ARID3B: variants seen among roughly 807,000 people sequenced by gnomAD.
The protein encoded by ARID3B is AT-rich interactive domain-containing protein 3B.
Under a neutral mutation model 51.9 loss-of-function variants are expected in ARID3B, and 10 were observed. That is an observed-to-expected ratio of 0.19 (90% CI 0.12 to 0.33). ARID3B has a LOEUF of 0.33. ARID3B is among the 10% of genes least tolerant of loss of function. The probability of loss-of-function intolerance (pLI) is 1.00; values close to 1 mark genes in which losing one functional copy is unlikely to be tolerated. For missense variants in ARID3B, 483 were observed against 716.3 expected (o/e 0.67, Z 3.72); for synonymous variants, 205 against 279.5 (o/e 0.73, Z 2.66).
chr15:74,542,347 T>G (rs913934532), intron 1 of ARID3B, among the ~76,000 whole-genome samples: 8 of 152,200 alleles, frequency 5.3e-5, no homozygotes, highest in African/African-American at 1.9e-4. Flanking sequence ...AAAGTATTGC[T>G]GCAAGCGTAA....
At chr15:74,595,572 C>G in intron 8 of ARID3B, 39 bp from the exon 9 acceptor site, 1 of 1,597,832 alleles carries the variant, frequency 6.3e-7, no homozygotes, top group Non-Finnish European at 8.5e-7. Flanking sequence ...CCCCTTCGCT[C>G]TTCCTCTGCC....
At chr15:74,589,744 G>T in intron 4 of ARID3B, 76 bp from the exon 5 acceptor site, 1 of 1,436,610 alleles carries the variant, frequency 7.0e-7, no homozygotes, top group Non-Finnish European at 9.5e-7. Context: ...CTCGGCTAAA[G>T]GTGGGCATAC....
chr15:74,593,386 C>T (rs2061811238), intron 8 of ARID3B, 150 bp downstream of exon 8: 1 of 671,434 alleles, frequency 1.5e-6, no homozygotes, highest in African/African-American at 1.8e-5. Context: ...GTCAAGTGGT[C>T]CTCTGGACTA....
Position 74,568,681 on chromosome 15 carries a change from T to C in ARID3B, c.553-4181T>C, listed in dbSNP as rs528657107. ...TAGGTATAGTAGCCAAAGCTAGTCT[T>C]GGGTGTGTATTTGGGAGCAAACTAT... On this transcript the variant is annotated intron_variant, in intron 2 of 8. Coordinates refer to ENST00000346246, the MANE Select transcript of ARID3B (RefSeq NM_006465.4). Among the ~76,000 whole-genome samples the C allele has an allele frequency of 2.7e-3, 412 of 152,226 alleles. 1 individual carries two copies. Among genetic ancestry groups the C allele is most frequent in the Non-Finnish European group, 4.6e-3 (314 of 68,004 alleles).
intron 8 of ARID3B, among the ~76,000 whole-genome samples, chr15:74,595,070 C>T (rs2061819181): frequency 6.6e-6 from 1 of 152,140 alleles, no homozygotes; most frequent in South Asian, 2.1e-4. Context: ...GTCACCCACC[C>T]CACCTGGCTC....
At position 74,591,015 on chromosome 15, in the gene ARID3B, C is replaced by G. The variant is rs1439941959; in HGVS notation, c.882-136C>G. ...GTCCGGCCATCCCAGACTTTTCTGC[C>G]AAGTATACCAAGGTTGCAATCCTTT... On this transcript the variant is annotated intron_variant, in intron 5 of 8. Coordinates refer to ENST00000346246, the MANE Select transcript of ARID3B (RefSeq NM_006465.4). The surrounding 1 kb of genome is among the most constrained non-coding windows in gnomAD (Gnocchi z 5.8). 9 of 1,368,356 alleles carry G rather than the reference C, an allele frequency of 6.6e-6. No homozygotes were observed. The highest frequency in any genetic ancestry group is 8.9e-6 in the Non-Finnish European group (9 of 1,013,784). 84.8% of individuals were successfully genotyped at this position (1,368,356 alleles called of 1,614,324 possible). A position where few individuals can be genotyped will look rare whatever the true frequency, so the allele number is the denominator to read the frequency against.
At chr15:74,569,904 T>C (rs933111724) in intron 2 of ARID3B, among the ~76,000 whole-genome samples, 1 of 152,206 alleles carries the variant, frequency 6.6e-6, no homozygotes, top group Non-Finnish European at 1.5e-5. Flanking sequence ...CCCAGCTGAA[T>C]TGACCATCCT....
At chr15:74,595,146 A>G (rs957006569) in intron 8 of ARID3B, among the ~76,000 whole-genome samples, 2 of 152,126 alleles carry the variant, frequency 1.3e-5, no homozygotes, top group Non-Finnish European at 2.9e-5. Context: ...CCTGGGCTCA[A>G]GTGATCCTCC....
chr15:74,555,621 C>A (rs1386325205), intron 2 of ARID3B, among the ~76,000 whole-genome samples: 1 of 151,968 alleles, frequency 6.6e-6, no homozygotes, highest in East Asian at 1.9e-4. Context: ...CATGAGCCAC[C>A]ATGCCTGGCC....
chr15:74,541,665 T>TG (rs989009617), intron 1 of ARID3B, among the ~76,000 whole-genome samples: 1 of 44,744 alleles, frequency 2.2e-5, no homozygotes, highest in African/African-American at 9.6e-5. Flanking sequence ...TAGGGCTGAA[T>TG]GGGGGGAGGT....
At chr15:74,549,957 A>G (rs2061630332) in intron 2 of ARID3B, among the ~76,000 whole-genome samples, 1 of 152,258 alleles carries the variant, frequency 6.6e-6, no homozygotes, top group Non-Finnish European at 1.5e-5. Context: ...AGTAGTGCCA[A>G]GGTTGAGAAA....
chr15:74,556,776 G>GTTTTTTTTTTTTTTTT (rs1283802329), intron 2 of ARID3B, among the ~76,000 whole-genome samples: 1 of 122,542 alleles, frequency 8.2e-6, no homozygotes, highest in Admixed American at 9.1e-5. Flanking sequence ...TTTGTTTTTT[G>GTTTTTTTTTTTTTTTT]TTTTTTTTTT....
rs978824157 is a variant in ARID3B, at chr15:74,597,764, C to T, written c.*1990C>T. On this transcript the variant is annotated 3_prime_UTR_variant, in exon 9 of 9. Coordinates refer to ENST00000346246, the MANE Select transcript of ARID3B (RefSeq NM_006465.4). ...CACTGTGTCTTTCCGGTCATTGGAT[C>T]CTCTCCCTTTCCCCAGGCAGCTCGC... is the stretch of plus-strand genomic sequence containing the variant. 12 of 458,644 alleles carry T rather than the reference C, an allele frequency of 2.6e-5. No homozygotes were observed. The highest frequency in any genetic ancestry group is 1.8e-4 in the African/African-American group (9 of 51,340). 28.4% of individuals were successfully genotyped at this position (458,644 alleles called of 1,614,324 possible).
intron 2 of ARID3B, among the ~76,000 whole-genome samples, chr15:74,569,781 G>C (rs928869286): frequency 6.6e-6 from 1 of 152,212 alleles, no homozygotes; most frequent in Non-Finnish European, 1.5e-5. Flanking sequence ...GCGAAAGGCA[G>C]GCAGGGCTCA....
intron 2 of ARID3B, among the ~76,000 whole-genome samples, chr15:74,558,712 T>C (rs1369026762): frequency 6.6e-6 from 1 of 152,252 alleles, no homozygotes; most frequent in Admixed American, 6.5e-5. Flanking sequence ...TCTTCCTGTG[T>C]CATGTTACTG....
intron 2 of ARID3B, among the ~76,000 whole-genome samples, chr15:74,559,306 A>G (rs1453530171): frequency 6.6e-6 from 1 of 152,216 alleles, no homozygotes; most frequent in African/African-American, 2.4e-5. Flanking sequence ...TATGTATGCA[A>G]CGGGTAGAGT....
intron 4 of ARID3B, among the ~76,000 whole-genome samples, chr15:74,577,218 C>T (rs1203772333): frequency 6.6e-6 from 1 of 151,936 alleles, no homozygotes; most frequent in South Asian, 2.1e-4. Context: ...GCCTATAATT[C>T]CAGCACTTTG....
At chr15:74,555,786 C>CTTTTT (rs869243539) in intron 2 of ARID3B, among the ~76,000 whole-genome samples, 44 of 95,072 alleles carry the variant, frequency 4.6e-4, no homozygotes, top group African/African-American at 6.0e-4. Flanking sequence ...AGCTGTATTT[C>CTTTTT]TTTTTTTTTT....
rs368791303 is a variant in ARID3B, at chr15:74,544,187, G to A, written c.251G>A (p.Arg84Gln). The A allele has an allele frequency of 1.9e-5, 31 of 1,613,838 alleles. No individual in the cohort carries two copies. The highest frequency in any genetic ancestry group is 4.0e-5 in the African/African-American group (3 of 74,916). ...GCAGCAGTGGCCCAAGTGTTTGAAC[G>A]GGGCAACATGAACTCAGAGCCTGAG... is the stretch of plus-strand genomic sequence containing the variant. The part of the protein sequence containing the change: ...PTAAVAQVFE[R>Q]GNMNSEPEEE... The change falls in exon 2 of 9, where the codon CGG (arginine) becomes CAG (glutamine). Residue 84 changes from arginine to glutamine, a missense_variant. Coordinates refer to ENST00000346246, the MANE Select transcript of ARID3B (RefSeq NM_006465.4).
Sources: gnomAD v4.1 joint callset for allele counts (sites outside exome capture counted in the v4.1 genomes callset) on GRCh38, gnomAD v4.1.1 for gene constraint, Gnocchi (gnomAD v3.1) non-coding constraint, MANE v1.5 for transcripts, NCBI Gene and HGNC (gene_info 2026-07-23, HGNC 2026-07-21) for gene names.